TOM1L2: variants seen among roughly 807,000 people sequenced by gnomAD.
TOM1L2 encodes the protein TOM1-like protein 2.
In TOM1L2, 31 loss-of-function variants were observed where a neutral mutation model predicts 67.9. The ratio of observed to expected loss-of-function variants is 0.46; its 90% CI spans 0.34 to 0.62. The LOEUF (loss-of-function observed/expected upper bound fraction) is 0.62, where lower values mean the gene tolerates loss of function less well. TOM1L2 is among the 20% of genes least tolerant of loss of function. The pLI, the probability that TOM1L2 is intolerant of heterozygous loss-of-function variation, is 0.01. For synonymous variants in TOM1L2, 256 were observed against 254.0 expected (o/e 1.01, Z -0.07); for missense variants, 606 against 663.5 (o/e 0.91, Z 0.95).
intron 12 of TOM1L2, chr17:17,851,191 G>A (rs558882111): frequency 1.2e-4 from 64 of 546,060 alleles, no homozygotes; most frequent in African/African-American, 7.0e-4. Context: ...CAGGGCCGGC[G>A]GTAAGGAAGG....
chr17:17,912,563 G>A (rs2039432604), intron 1 of TOM1L2, among the ~76,000 whole-genome samples: 3 of 151,344 alleles, frequency 2.0e-5, no homozygotes, highest in African/African-American at 7.3e-5. Context: ...GCGGGGCAGA[G>A]GCGCTCCCCA....
At chr17:17,953,695 G>T (rs960491421) in intron 1 of TOM1L2, among the ~76,000 whole-genome samples, 3 of 152,230 alleles carry the variant, frequency 2.0e-5, no homozygotes, top group Non-Finnish European at 2.9e-5. Flanking sequence ...ACACATGAGT[G>T]GGGGGAGCAC....
At chr17:17,884,832 A>G (rs778825659) in intron 4 of TOM1L2, 64 bp from the exon 5 acceptor site, 160 of 1,603,950 alleles carry the variant, frequency 1.0e-4, no homozygotes, top group Non-Finnish European at 1.3e-4. Context: ...TGAAAATCCA[A>G]AGTGGCCCAC....
intron 7 of TOM1L2, among the ~76,000 whole-genome samples, chr17:17,873,685 G>A (rs905887081): frequency 1.3e-5 from 2 of 152,230 alleles, no homozygotes; most frequent in African/African-American, 2.4e-5. Context: ...TGCTGGGGAC[G>A]AAGCTGCAGG....
chr17:17,970,166 T>G (rs1223021211), intron 1 of TOM1L2, among the ~76,000 whole-genome samples: 1 of 151,964 alleles, frequency 6.6e-6, no homozygotes, highest in Non-Finnish European at 1.5e-5. Flanking sequence ...GCAATTCTCC[T>G]GCCTCAGCCT....
At position 17,945,267 on chromosome 17, in the gene TOM1L2, T is replaced by TACAC. The variant is rs143501362; in HGVS notation, c.52+26991_52+26994dup. On this transcript the variant is annotated intron_variant, in intron 1 of 14. Transcript: ENST00000379504. ...CCAAATGTTTCACCACACACACACA[T>TACAC]ACACACACACACACACACACACACT... 2.0e-3 allele frequency among the ~76,000 whole-genome samples: 293 copies of TACAC among 147,148 alleles called. 4 individuals are homozygous for TACAC. In the East Asian group the frequency reaches 0.034, roughly 17 times the overall value.
chr17:17,920,877 C>A (rs2144603457), intron 1 of TOM1L2, among the ~76,000 whole-genome samples: 1 of 152,300 alleles, frequency 6.6e-6, no homozygotes, highest in Admixed American at 6.5e-5. Flanking sequence ...CTCAGGTGAT[C>A]CACCCGCCTC....
intron 4 of TOM1L2, among the ~76,000 whole-genome samples, chr17:17,888,299 G>T (rs1400141019): frequency 1.3e-5 from 2 of 152,202 alleles, no homozygotes; most frequent in African/African-American, 2.4e-5. Flanking sequence ...GATCAATTCA[G>T]ATCTCCTTCA....
chr17:17,934,138 T>C (rs1443827012), intron 1 of TOM1L2, among the ~76,000 whole-genome samples: 2 of 152,216 alleles, frequency 1.3e-5, no homozygotes, highest in Non-Finnish European at 2.9e-5. Flanking sequence ...TACAGTTTTA[T>C]ATTAAAAGTG....
Position 17,850,885 on chromosome 17 carries a change from A to G in TOM1L2, c.1338+8T>C, listed in dbSNP as rs2035932014. On this transcript the variant is annotated splice_region_variant and intron_variant, in intron 13 of 14. Transcript: ENST00000379504. ...CCCCACAGATGAAATAGAAAAGTCGAGTCTCACCAGGTCGGTCCTGAGCCA... is the reference window on the plus strand; with the variant it reads ...CCCCACAGATGAAATAGAAAAGTCGGGTCTCACCAGGTCGGTCCTGAGCCA... 1 of 1,614,040 alleles carries G rather than the reference A, an allele frequency of 6.2e-7. No individual in the cohort carries two copies. Among genetic ancestry groups the G allele is most frequent in the African/African-American group, 1.3e-5 (1 of 75,062 alleles).
At position 17,893,648 on chromosome 17, in the gene TOM1L2, G is replaced by T; in HGVS notation, c.366+13C>A. 1.9e-6 allele frequency: 3 copies of T among 1,611,482 alleles called. No homozygotes were observed. The highest frequency in any genetic ancestry group is 2.5e-6 in the Non-Finnish European group (3 of 1,178,620). On this transcript the variant is annotated intron_variant, in intron 4 of 14. Coordinates refer to ENST00000379504, the MANE Select transcript of TOM1L2 (RefSeq NM_001082968.2). The stretch of plus-strand genomic sequence containing the variant: ...ACTCTGTTCCAACAAATTGGGCAAG[G>T]GGTCCAACCTACCTGGATCAGAGCA...
chr17:17,874,744 G>A (rs972871090), intron 7 of TOM1L2, among the ~76,000 whole-genome samples: 1 of 152,178 alleles, frequency 6.6e-6, no homozygotes, highest in African/African-American at 2.4e-5. Flanking sequence ...CTTCCCCACA[G>A]CCTTCCCACT....
intron 4 of TOM1L2, among the ~76,000 whole-genome samples, chr17:17,887,975 AAGGCTGACCCAGCTGAG>A (rs563006130): frequency 2.1e-3 from 318 of 152,344 alleles, no homozygotes; most frequent in Non-Finnish European, 3.4e-3. Context: ...GGGGTGCTGG[AAGGCTGACCCAGCTGAG>A]AATACTCCCT....
At chr17:17,878,954 TGGTTTCAGG>T (rs2037568185) in intron 7 of TOM1L2, among the ~76,000 whole-genome samples, 1 of 152,196 alleles carries the variant, frequency 6.6e-6, no homozygotes, top group Admixed American at 6.5e-5. Context: ...GCCTTGACCC[TGGTTTCAGG>T]GGTAGACTGC....
intron 1 of TOM1L2, among the ~76,000 whole-genome samples, chr17:17,947,939 G>T (rs1680155086): frequency 1.3e-5 from 2 of 151,788 alleles, no homozygotes; most frequent in African/African-American, 4.8e-5. Context: ...GAATATACCT[G>T]GTTACAGTCC....
intron 1 of TOM1L2, among the ~76,000 whole-genome samples, chr17:17,945,545 C>A (rs1312022563): frequency 1.3e-5 from 2 of 152,300 alleles, no homozygotes; most frequent in Non-Finnish European, 1.5e-5. Flanking sequence ...CTTAGGGAGA[C>A]CCACATTACA....
intron 1 of TOM1L2, among the ~76,000 whole-genome samples, chr17:17,943,590 C>G (rs546574206): frequency 6.6e-6 from 1 of 152,364 alleles, no homozygotes; most frequent in African/African-American, 2.4e-5. Context: ...GCCTCCAGAT[C>G]TCTCTTGGGG....
chr17:17,927,116 T>C (rs755108630), intron 1 of TOM1L2, among the ~76,000 whole-genome samples: 6 of 152,204 alleles, frequency 3.9e-5, no homozygotes, highest in Non-Finnish European at 8.8e-5. Flanking sequence ...GGCATTTTCC[T>C]AGCTTTTCGG....
chr17:17,865,655 G>A lies in TOM1L2; in HGVS notation c.1084+641C>T, dbSNP rs553253311. Among the ~76,000 whole-genome samples the A allele has an allele frequency of 5.3e-4, 80 of 150,940 alleles. 1 individual carries two copies. Among genetic ancestry groups the A allele is most frequent in the African/African-American group, 1.7e-3 (68 of 41,054 alleles). ...CAGCCTCCCAAAATGCTGGGATTAC[G>A]CGCCCGGCCTTGACCTAGTTAATAT... On this transcript the variant is annotated intron_variant, in intron 10 of 14. Transcript: ENST00000379504.
Sources: gnomAD v4.1 joint callset for allele counts (sites outside exome capture counted in the v4.1 genomes callset) on GRCh38, gnomAD v4.1.1 for gene constraint, MANE v1.5 for transcripts, NCBI Gene and HGNC (gene_info 2026-07-23, HGNC 2026-07-21) for gene names.